TTC6: variants seen among roughly 807,000 people sequenced by gnomAD.
TTC6 encodes tetratricopeptide repeat protein 6.
TTC6 carries 172 observed loss-of-function variants against 210.4 expected under a neutral mutation model. The observed-to-expected ratio is 0.82, with a 90% CI of 0.72 to 0.93. The LOEUF (loss-of-function observed/expected upper bound fraction) is 0.93. Among genes scored for constraint, TTC6 ranks in the 40% least tolerant of loss-of-function variants. The pLI is 0.00. For synonymous variants in TTC6, 804 were observed against 819.6 expected (o/e 0.98, Z 0.32); for missense variants, 2,414 against 2,318.1 (o/e 1.04, Z -0.85).
intron 1 of TTC6, among the ~76,000 whole-genome samples, chr14:37,649,910 G>C (rs2095708131): frequency 6.6e-6 from 1 of 152,134 alleles, no homozygotes; most frequent in Non-Finnish European, 1.5e-5. Flanking sequence ...TGGAGTTTAG[G>C]TCCTACAACC....
At chr14:37,689,071 C>G (rs1178669410) in intron 3 of TTC6, among the ~76,000 whole-genome samples, 1 of 151,970 alleles carries the variant, frequency 6.6e-6, no homozygotes, top group Non-Finnish European at 1.5e-5. Flanking sequence ...CAAGATAACA[C>G]AGAGAATCAA....
At chr14:37,614,440 C>G (rs932702583) in intron 2 of TTC6, among the ~76,000 whole-genome samples, 7 of 152,142 alleles carry the variant, frequency 4.6e-5, no homozygotes, top group African/African-American at 1.7e-4. Flanking sequence ...AAACATCCCA[C>G]AACACAATAT....
chr14:37,657,902 C>T (rs1451968523), intron 1 of TTC6, among the ~76,000 whole-genome samples: 1 of 152,110 alleles, frequency 6.6e-6, no homozygotes, highest in African/African-American at 2.4e-5. Flanking sequence ...TCTGACCTTG[C>T]AGGATGAAAA....
At chr14:37,635,602 A>C (rs752107848) in intron 1 of TTC6, among the ~76,000 whole-genome samples, 1 of 152,202 alleles carries the variant, frequency 6.6e-6, no homozygotes, top group Non-Finnish European at 1.5e-5. Context: ...AGTATGAAAA[A>C]TATATATCAT....
chr14:37,782,181 G>A (rs539227302), intron 14 of TTC6, among the ~76,000 whole-genome samples: 27 of 152,160 alleles, frequency 1.8e-4, no homozygotes, highest in Non-Finnish European at 3.4e-4. Context: ...TTGGTAGCTT[G>A]ATGGGGATGG....
chr14:37,636,829 G>A (rs748133382), intron 1 of TTC6, among the ~76,000 whole-genome samples: 1 of 152,114 alleles, frequency 6.6e-6, no homozygotes, highest in Non-Finnish European at 1.5e-5. Flanking sequence ...TAATGAAAAG[G>A]CAGAGGAAGT....
rs2096082086 is a variant in TTC6, at chr14:37,792,430, G to T, written c.3708+16G>T. On this transcript the variant is annotated intron_variant, in intron 17 of 30. Transcript: ENST00000553443. The stretch of plus-strand genomic sequence containing the variant: ...CTATTTTAAGGTATTTAAGGCTCGA[G>T]AACCTTGATTTTTTTAAAAAAACTT... 6.9e-7 allele frequency: 1 copy of T among 1,450,770 alleles called. No individual in the cohort carries two copies. The highest frequency in any genetic ancestry group is 1.5e-5 in the South Asian group (1 of 68,876). The allele number at this position is 1,450,770 out of a possible 1,614,324, so 89.9% of individuals were successfully genotyped here. A position where few individuals can be genotyped will look rare whatever the true frequency, so the allele number is the denominator to read the frequency against.
chr14:37,651,196 A>G (rs1566863893), intron 1 of TTC6, among the ~76,000 whole-genome samples: 2 of 151,550 alleles, frequency 1.3e-5, no homozygotes, highest in Non-Finnish European at 2.9e-5. Context: ...ATTGAGGTGA[A>G]GCTGTTTTCC....
chr14:37,823,556 C>T (rs754749863), intron 26 of TTC6, among the ~76,000 whole-genome samples, 191 bp from the exon 29 acceptor site: 20 of 152,210 alleles, frequency 1.3e-4, no homozygotes, highest in Middle Eastern at 3.4e-3. Context: ...CCAAAATCTT[C>T]GAAGGACCTG....
At chr14:37,644,798 C>G (rs181864915) in intron 1 of TTC6, among the ~76,000 whole-genome samples, 223 of 152,226 alleles carry the variant, frequency 1.5e-3, no homozygotes, top group African/African-American at 5.2e-3. Flanking sequence ...GGTAACATAA[C>G]AAGGGAGCTA....
At chr14:37,665,416 A>G (rs2095745970) in intron 1 of TTC6, among the ~76,000 whole-genome samples, 3 of 150,458 alleles carry the variant, frequency 2.0e-5, no homozygotes, top group Non-Finnish European at 3.0e-5. Flanking sequence ...CAAACACCAC[A>G]TGTTGTCACT....
At chr14:37,746,239 G>T (rs935996995) in intron 10 of TTC6, among the ~76,000 whole-genome samples, 5 of 152,076 alleles carry the variant, frequency 3.3e-5, no homozygotes, top group African/African-American at 9.7e-5. Flanking sequence ...TTCTTTTCCA[G>T]CTCTGAGGTC....
rs1204250468 is a variant in TTC6 at position 37,804,102 on chromosome 14, C to A, written c.4030-578C>A. ...TCATGAAACTTTTGACTATTTTGAACTTTTTCATTAATGAGAGTTTGAACA... is the reference window on the plus strand; with the variant it reads ...TCATGAAACTTTTGACTATTTTGAAATTTTTCATTAATGAGAGTTTGAACA... On this transcript the variant is annotated intron_variant, in intron 20 of 30. Transcript: ENST00000553443. 1.3e-5 allele frequency among the ~76,000 whole-genome samples: 2 copies of A among 151,970 alleles called. 1 individual carries two copies. The highest frequency in any genetic ancestry group is 1.3e-4 in the Admixed American group (2 of 15,254).
In TTC6 at chr14:37,640,723, C is replaced by T. The variant is rs1028757321; in HGVS notation, c.939+17720C>T. On this transcript the variant is annotated intron_variant, in intron 1 of 30. Coordinates refer to ENST00000553443, the Ensembl canonical transcript of TTC6. The stretch of plus-strand genomic sequence containing the variant: ...ATGCTTGGCTAATTTTTGTATTTTT[C>T]GTAGAGATGGGGTTTTGCCATGTTG... 2.6e-5 allele frequency among the ~76,000 whole-genome samples: 4 copies of T among 151,618 alleles called. No homozygotes were observed. The East Asian group carries it at 5.8e-4, about 22-fold the overall frequency.
intron 1 of TTC6, among the ~76,000 whole-genome samples, chr14:37,599,340 C>T (rs887154077): frequency 4.1e-4 from 62 of 152,214 alleles, no homozygotes; most frequent in African/African-American, 1.4e-3. Flanking sequence ...GGCCCTGGGA[C>T]CACTTGACGG....
At chr14:37,772,080 G>A (rs2096020913) in intron 14 of TTC6, among the ~76,000 whole-genome samples, 1 of 152,194 alleles carries the variant, frequency 6.6e-6, no homozygotes, top group African/African-American at 2.4e-5. Context: ...GTGTCAGTGT[G>A]CCCCTGCTGG....
At chr14:37,745,119 A>T (rs12434817) in intron 10 of TTC6, among the ~76,000 whole-genome samples, 1 of 151,746 alleles carries the variant, frequency 6.6e-6, no homozygotes. Context: ...ATATAAATGT[A>T]AACTTCATCA....
intron 14 of TTC6, among the ~76,000 whole-genome samples, chr14:37,779,163 G>A (rs2096047095): frequency 1.3e-5 from 2 of 152,204 alleles, no homozygotes; most frequent in African/African-American, 2.4e-5. Flanking sequence ...AGGAGTCACT[G>A]GGAGCCAGAA....
chr14:37,622,715 C>T, exon 1 of TTC6: 1 of 1,535,030 alleles, frequency 6.5e-7, no homozygotes. Context: ...ACATGGAGGC[C>T]AGCAGCGGGC....
Sources: allele counts gnomAD v4.1 joint callset (sites outside exome capture counted in the v4.1 genomes callset), GRCh38; gene constraint gnomAD v4.1.1; transcripts MANE v1.5; gene names NCBI Gene and HGNC (gene_info 2026-07-23, HGNC 2026-07-21).